SUMF1: variants seen among roughly 807,000 people sequenced by gnomAD.
SUMF1 encodes the protein sulfatase modifying factor 1.
In SUMF1, 48 loss-of-function variants were observed where a neutral mutation model predicts 47.6. The observed-to-expected ratio is 1.01, with a 90% CI of 0.80 to 1.28. SUMF1 has a LOEUF of 1.28. Among genes scored for constraint, SUMF1 ranks in the 50% most tolerant of loss-of-function variants. The probability of loss-of-function intolerance (pLI) is 0.00; values close to 1 mark genes in which losing one functional copy is unlikely to be tolerated. For missense variants in SUMF1, 571 were observed against 485.4 expected (o/e 1.18, Z -1.66); for synonymous variants, 230 against 192.1 (o/e 1.20, Z -1.63).
intron 8 of SUMF1, among the ~76,000 whole-genome samples, chr3:4,170,105 G>T (rs142749650): frequency 6.6e-6 from 1 of 152,230 alleles, no homozygotes; most frequent in Admixed American, 6.5e-5. Flanking sequence ...AAGTTCAATG[G>T]AACACAATAT....
At chr3:4,235,737 G>C (rs114554148) in intron 8 of SUMF1, among the ~76,000 whole-genome samples, 2,775 of 152,108 alleles carry the variant, frequency 0.018, 44 homozygotes, top group Non-Finnish European at 0.027. Flanking sequence ...GGGACAAGGA[G>C]TCAGGAAAAC....
At chr3:4,078,741 C>G (rs931073594) in intron 8 of SUMF1, among the ~76,000 whole-genome samples, 1 of 138,582 alleles carries the variant, frequency 7.2e-6, no homozygotes, top group Non-Finnish European at 1.6e-5. Flanking sequence ...ACCCCCATCT[C>G]TAAAAAAAAA....
chr3:4,340,876 T>A (rs1047152600), intron 8 of SUMF1, among the ~76,000 whole-genome samples: 3 of 152,338 alleles, frequency 2.0e-5, no homozygotes, highest in Non-Finnish European at 4.4e-5. Flanking sequence ...ACTTTTTTGT[T>A]TTTTTATTCC....
rs568804814 is a variant in SUMF1, at chr3:4,064,590, A to G, written c.1191+3979T>C. 5.3e-4 allele frequency among the ~76,000 whole-genome samples: 81 copies of G among 152,196 alleles called. 1 individual carries two copies. The highest frequency in any genetic ancestry group is 1.9e-3 in the African/African-American group (78 of 41,540). ...AATAAACTTGCTTTCACTCTTCTGT[A>G]TGGACTCACCCCAAATACTTTCTTG... On this transcript the variant is annotated intron_variant and NMD_transcript_variant, in intron 9 of 12. Transcript: ENST00000448413.
At chr3:4,362,752 T>C (rs535066321) in intron 8 of SUMF1, among the ~76,000 whole-genome samples, 1 of 151,988 alleles carries the variant, frequency 6.6e-6, no homozygotes, top group Non-Finnish European at 1.5e-5. Flanking sequence ...CAAGATCCCA[T>C]CTCTACAAAA....
chr3:4,353,058 C>T (rs1227059039), intron 8 of SUMF1, among the ~76,000 whole-genome samples: 11 of 152,128 alleles, frequency 7.2e-5, no homozygotes. Flanking sequence ...TCATTGAGGA[C>T]CCCACAGAAT....
intron 8 of SUMF1, among the ~76,000 whole-genome samples, chr3:4,081,405 C>T (rs922471290): frequency 1.3e-5 from 2 of 152,094 alleles, no homozygotes; most frequent in African/African-American, 4.8e-5. Context: ...TGGCTGGCAC[C>T]GTTCCTAGCA....
intron 8 of SUMF1, among the ~76,000 whole-genome samples, chr3:4,214,694 T>TA (rs1574985622): frequency 6.6e-6 from 1 of 151,568 alleles, no homozygotes; most frequent in Admixed American, 6.6e-5. Context: ...ATATATGCAA[T>TA]AAAAAATCAT....
At chr3:4,061,242 A>G (rs958456218) in intron 9 of SUMF1, among the ~76,000 whole-genome samples, 1 of 152,236 alleles carries the variant, frequency 6.6e-6, no homozygotes. Flanking sequence ...GATCCTCCCA[A>G]TCTTAAAAGT....
intron 3 of SUMF1, among the ~76,000 whole-genome samples, chr3:4,442,662 A>AAAGGAAAG (rs1485134407): frequency 1.3e-5 from 2 of 151,530 alleles, no homozygotes; most frequent in African/African-American, 4.9e-5. Context: ...AGAGAGAGAA[A>AAAGGAAAG]AAGGAAAGAG....
intron 8 of SUMF1, among the ~76,000 whole-genome samples, chr3:4,170,334 A>G (rs1311941614): frequency 6.6e-6 from 1 of 152,194 alleles, no homozygotes; most frequent in East Asian, 1.9e-4. Context: ...GTTAAAATTC[A>G]GATTGCTGAG....
chr3:4,147,709 T>A (rs547563173), intron 8 of SUMF1, among the ~76,000 whole-genome samples: 8 of 152,288 alleles, frequency 5.3e-5, no homozygotes, highest in African/African-American at 1.9e-4. Flanking sequence ...AGATGCTTCC[T>A]TATAACAGTC....
At chr3:4,087,362 A>T (rs1692694288) in intron 8 of SUMF1, among the ~76,000 whole-genome samples, 1 of 152,148 alleles carries the variant, frequency 6.6e-6, no homozygotes, top group Admixed American at 6.5e-5. Flanking sequence ...TAGCCATATG[A>T]CATAGGTAAG....
chr3:4,234,310 A>C (rs1176191849), intron 8 of SUMF1, among the ~76,000 whole-genome samples: 1 of 152,078 alleles, frequency 6.6e-6, no homozygotes, highest in African/African-American at 2.4e-5. Context: ...TGATTTATCA[A>C]AAGTCAAAGG....
At chr3:4,398,972 CA>C (rs1233331820) in intron 7 of SUMF1, among the ~76,000 whole-genome samples, 1 of 152,122 alleles carries the variant, frequency 6.6e-6, no homozygotes. Flanking sequence ...ATCTTGACTG[CA>C]AATCAAGTTC....
At chr3:4,039,101 A>C (rs911543326) in intron 9 of SUMF1, among the ~76,000 whole-genome samples, 7 of 152,064 alleles carry the variant, frequency 4.6e-5, no homozygotes, top group Admixed American at 6.6e-5. Flanking sequence ...AAGTAGAAAA[A>C]AATTACAGAG....
intron 8 of SUMF1, among the ~76,000 whole-genome samples, chr3:4,325,158 G>T (rs541237520): frequency 6.6e-6 from 1 of 152,234 alleles, no homozygotes; most frequent in African/African-American, 2.4e-5. Context: ...AATGGGAATT[G>T]TGGGTGCTAA....
chr3:4,351,720 G>A (rs756179379), intron 8 of SUMF1, among the ~76,000 whole-genome samples: 4 of 152,140 alleles, frequency 2.6e-5, no homozygotes, highest in East Asian at 1.9e-4. Context: ...ATGGAAACAC[G>A]TCTTTCAAAA....
chr3:4,370,670 C>A (rs1403236019), intron 8 of SUMF1, among the ~76,000 whole-genome samples: 1 of 151,916 alleles, frequency 6.6e-6, no homozygotes, highest in Non-Finnish European at 1.5e-5. Flanking sequence ...ATCTGAAGAC[C>A]CCGGTATATA....
Sources: allele counts gnomAD v4.1 joint callset (sites outside exome capture counted in the v4.1 genomes callset), GRCh38; gene constraint gnomAD v4.1.1; transcripts MANE v1.5; gene names NCBI Gene and HGNC (gene_info 2026-07-23, HGNC 2026-07-21).